HKDC1: variants seen among roughly 807,000 people sequenced by gnomAD.
HKDC1 encodes the protein hexokinase domain containing 1, also known as hexokinase HKDC1.
Under a neutral mutation model 96.6 loss-of-function variants are expected in HKDC1, and 66 were observed. That is an observed-to-expected ratio of 0.68 (90% CI 0.56 to 0.84). HKDC1 has a LOEUF of 0.84. HKDC1 is among the 40% of genes least tolerant of loss of function. HKDC1 has a pLI of 0.00. For synonymous variants in HKDC1, 466 were observed against 473.1 expected (o/e 0.98, Z 0.20); for missense variants, 1,211 against 1,208.1 (o/e 1.00, Z -0.04).
intron 1 of HKDC1, chr10:69,225,717 G>C (rs1327242819): frequency 6.6e-6 from 1 of 152,144 alleles, no homozygotes; most frequent in Non-Finnish European, 1.5e-5. Context: ...ATGCATCCCC[G>C]ACAGAGCTGT....
intron 4 of HKDC1, among the ~76,000 whole-genome samples, chr10:69,238,006 T>C (rs1843389884): frequency 6.6e-6 from 1 of 152,250 alleles, no homozygotes; most frequent in African/African-American, 2.4e-5. Context: ...CCAAGTTCTC[T>C]TCCAGTCTGA....
chr10:69,257,694 G>C (rs1030885460), intron 14 of HKDC1, among the ~76,000 whole-genome samples: 19 of 151,624 alleles, frequency 1.3e-4, no homozygotes, highest in Non-Finnish European at 2.8e-4. Flanking sequence ...ATGGGGGGGG[G>C]AAGGAGACTA....
At chr10:69,251,527 A>C (rs1843643960) in intron 12 of HKDC1, among the ~76,000 whole-genome samples, 1 of 152,214 alleles carries the variant, frequency 6.6e-6, no homozygotes, top group South Asian at 2.1e-4. Flanking sequence ...CAAAGAAGCC[A>C]GCTGAGATTT....
At position 69,227,189 on chromosome 10, in the gene HKDC1, G is replaced by T; in HGVS notation, c.64-18G>T. On this transcript the variant is annotated intron_variant, in intron 1 of 17. Coordinates refer to ENST00000354624, the MANE Select transcript of HKDC1 (RefSeq NM_025130.4). ...AGGGCCCCCAGCAGCACCCCTTGGT[G>T]GCCGGTGTCTGTTCCAGGTGGACAG... The T allele has an allele frequency of 6.2e-7, 1 of 1,613,638 alleles. No homozygotes were observed. The highest frequency in any genetic ancestry group is 8.5e-7 in the Non-Finnish European group (1 of 1,179,626).
At chr10:69,233,168 G>A in intron 4 of HKDC1, 35 bp downstream of exon 4, 1 of 1,611,444 alleles carries the variant, frequency 6.2e-7, no homozygotes, top group Non-Finnish European at 8.5e-7. Context: ...TGCAGGAATT[G>A]GGGCTTGGGG....
intron 6 of HKDC1, among the ~76,000 whole-genome samples, chr10:69,241,323 G>A (rs1003056010): frequency 2.0e-5 from 3 of 152,100 alleles, no homozygotes; most frequent in Non-Finnish European, 4.4e-5. Context: ...GTGAGTGAAG[G>A]CTGAGAGTCG....
intron 9 of HKDC1, 53 bp downstream of exon 9, chr10:69,247,646 G>A (rs1843563829): frequency 6.9e-7 from 1 of 1,439,516 alleles, no homozygotes; most frequent in Admixed American, 1.8e-5. Context: ...CTGGAGCAGG[G>A]CCCCAGTGTC....
chr10:69,262,171 C>A, intron 16 of HKDC1: 1 of 340,774 alleles, frequency 2.9e-6, no homozygotes, highest in Non-Finnish European at 6.0e-6. Flanking sequence ...AGGAACTTTC[C>A]CCTATCAACT....
chr10:69,220,563 TA>T (rs959361668), intron 1 of HKDC1, 65 bp downstream of exon 1: 8,496 of 1,055,970 alleles, frequency 8.0e-3, no homozygotes, highest in South Asian at 0.01. Flanking sequence ...CTGATTCCCT[TA>T]AAAAAAAAAT....
At chr10:69,247,622 A>G (rs1230069472) in intron 9 of HKDC1, 29 bp downstream of exon 9, 1 of 1,571,966 alleles carries the variant, frequency 6.4e-7, no homozygotes. Flanking sequence ...CCACGCCCCC[A>G]CAAATGAGTC....
Position 69,245,989 on chromosome 10 carries a change from C to T in HKDC1, c.876-90C>T, listed in dbSNP as rs1843535060. On this transcript the variant is annotated intron_variant, in intron 7 of 17. Coordinates refer to ENST00000354624, the MANE Select transcript of HKDC1 (RefSeq NM_025130.4). Reference sequence around the variant, plus strand: ...TTAGCTCAGCCCTCTCCCATGTGCTCCTTCCTGTGGGCAGTGGCTCCTGGT... The same window carrying T: ...TTAGCTCAGCCCTCTCCCATGTGCTTCTTCCTGTGGGCAGTGGCTCCTGGT... 8 of 1,508,724 alleles carry T rather than the reference C, an allele frequency of 5.3e-6. No individual in the cohort carries two copies. The Admixed American group carries it at 8.6e-5, about 16-fold the overall frequency. The allele number at this position is 1,508,724 out of a possible 1,614,324, so 93.5% of individuals were successfully genotyped here. A position where few individuals can be genotyped will look rare whatever the true frequency, so the allele number is the denominator to read the frequency against.
At chr10:69,240,315 C>G (rs1458807685) in intron 5 of HKDC1, among the ~76,000 whole-genome samples, 1 of 151,942 alleles carries the variant, frequency 6.6e-6, no homozygotes, top group Non-Finnish European at 1.5e-5. Context: ...TAGTGAGACC[C>G]TATCTGCAGA....
chr10:69,246,257 G>A, intron 8 of HKDC1, 23 bp downstream of exon 8: 1 of 1,610,738 alleles, frequency 6.2e-7, no homozygotes, highest in Non-Finnish European at 8.5e-7. Flanking sequence ...CTCTGCCTTG[G>A]CTCTGTGGAG....
chr10:69,248,811 T>G, intron 10 of HKDC1, 83 bp downstream of exon 10: 1 of 1,347,878 alleles, frequency 7.4e-7, no homozygotes, highest in Non-Finnish European at 9.9e-7. Flanking sequence ...TTCTTGGTTT[T>G]TAGAAACTTG....
intron 9 of HKDC1, among the ~76,000 whole-genome samples, 190 bp from the exon 10 acceptor site, chr10:69,248,234 A>T (rs894886025): frequency 1.4e-4 from 21 of 152,080 alleles, no homozygotes. Context: ...GAGCCTCCCA[A>T]GTGCCTTCCA....
intron 2 of HKDC1, among the ~76,000 whole-genome samples, chr10:69,230,834 G>C (rs1041547825): frequency 2.0e-5 from 3 of 152,172 alleles, no homozygotes; most frequent in Non-Finnish European, 4.4e-5. Context: ...GACCAGGCTG[G>C]TGTTGAACTC....
intron 12 of HKDC1, among the ~76,000 whole-genome samples, chr10:69,253,047 C>T (rs1300067446): frequency 6.6e-6 from 1 of 151,502 alleles, no homozygotes; most frequent in African/African-American, 2.4e-5. Flanking sequence ...ATCACCCAGG[C>T]TTAACTTTAT....
intron 4 of HKDC1, 60 bp from the exon 5 acceptor site, chr10:69,238,982 G>A (rs4145930): frequency 0.87 from 1,051,010 of 1,210,408 alleles, 458,841 homozygotes; most frequent in Non-Finnish European, 0.89. Flanking sequence ...AAGTTTCTGC[G>A]GCTCAGTTGC....
intron 15 of HKDC1, among the ~76,000 whole-genome samples, chr10:69,260,755 G>A (rs958824403): frequency 1.3e-5 from 2 of 152,152 alleles, no homozygotes; most frequent in African/African-American, 4.8e-5. Flanking sequence ...GTAGAAAGGA[G>A]GAAGGGAATT....
Sources: allele counts gnomAD v4.1 joint callset (sites outside exome capture counted in the v4.1 genomes callset), GRCh38; gene constraint gnomAD v4.1.1; transcripts MANE v1.5; gene names NCBI Gene and HGNC (gene_info 2026-07-23, HGNC 2026-07-21).